The following NRXN1 variants were observed in gnomAD, a reference collection of about 807,000 sequenced individuals.
The protein encoded by NRXN1 is neurexin 1.
In NRXN1, 39 loss-of-function variants were observed where a neutral mutation model predicts 150.9. The ratio of observed to expected loss-of-function variants is 0.26; its 90% CI spans 0.20 to 0.34. The LOEUF is 0.34. NRXN1 is among the 10% of genes least tolerant of loss of function. The pLI, the probability that NRXN1 is intolerant of heterozygous loss-of-function variation, is 1.00. For synonymous variants in NRXN1, 924 were observed against 757.0 expected, an observed-to-expected ratio of 1.22 and a Z score of -3.62; for missense variants, 1,815 against 1,949.9, an observed-to-expected ratio of 0.93 and a Z score of 1.30.
intron 17 of NRXN1, among the ~76,000 whole-genome samples, chr2:50,319,458 A>T (rs1181982028): frequency 6.6e-6 from 1 of 152,126 alleles, no homozygotes; most frequent in African/African-American, 2.4e-5. Flanking sequence ...ACACCTGACT[A>T]ACTTGACTGA....
intron 16 of NRXN1, among the ~76,000 whole-genome samples, chr2:50,467,634 T>C (rs1003166069): frequency 4.6e-5 from 7 of 151,442 alleles, no homozygotes; most frequent in Non-Finnish European, 8.9e-5. Context: ...GAAACCATGA[T>C]ATTGTAAATC....
chr2:50,172,625 C>A (rs2060100456), intron 18 of NRXN1, among the ~76,000 whole-genome samples: 1 of 152,162 alleles, frequency 6.6e-6, no homozygotes, highest in Non-Finnish European at 1.5e-5. Context: ...TCCCAAAACT[C>A]AATTTTTCTG....
At chr2:50,117,077 A>C (rs1271800997) in intron 18 of NRXN1, among the ~76,000 whole-genome samples, 1 of 152,132 alleles carries the variant, frequency 6.6e-6, no homozygotes, top group African/African-American at 2.4e-5. Context: ...CCTTGGGGAT[A>C]AAGGGAGAAG....
chr2:50,936,145 G>T (rs1392069716), intron 2 of NRXN1, among the ~76,000 whole-genome samples: 1 of 152,076 alleles, frequency 6.6e-6, no homozygotes, highest in Non-Finnish European at 1.5e-5. Context: ...ACTAAGTATT[G>T]AGAAGGAAAG....
intron 17 of NRXN1, among the ~76,000 whole-genome samples, chr2:50,377,036 C>A (rs1037705901): frequency 2.6e-5 from 4 of 151,208 alleles, no homozygotes; most frequent in Admixed American, 1.3e-4. Flanking sequence ...TCATTATTGA[C>A]CATTTTTATT....
At chr2:49,998,803 T>C (rs1259694371) in intron 21 of NRXN1, among the ~76,000 whole-genome samples, 1 of 152,044 alleles carries the variant, frequency 6.6e-6, no homozygotes, top group Non-Finnish European at 1.5e-5. Flanking sequence ...TGTAGGTGCT[T>C]TTTGTTTTTT....
At chr2:50,770,500 T>C (rs932405828) in intron 5 of NRXN1, among the ~76,000 whole-genome samples, 2 of 151,970 alleles carry the variant, frequency 1.3e-5, no homozygotes, top group Non-Finnish European at 2.9e-5. Flanking sequence ...AGCTCAAATG[T>C]GACTTTGGAC....
At chr2:50,161,001 T>C (rs2059332343) in intron 18 of NRXN1, among the ~76,000 whole-genome samples, 2 of 152,160 alleles carry the variant, frequency 1.3e-5, no homozygotes, top group South Asian at 2.1e-4. Context: ...CATTAGGCTA[T>C]TGGTCAGAAA....
intron 22 of NRXN1, among the ~76,000 whole-genome samples, chr2:49,930,854 A>C (rs1016561508): frequency 6.6e-6 from 1 of 152,242 alleles, no homozygotes; most frequent in Non-Finnish European, 1.5e-5. Flanking sequence ...AGAAAGTGTG[A>C]AAGTGTGAAA....
At chr2:50,838,876 T>C (rs1672467965) in intron 5 of NRXN1, among the ~76,000 whole-genome samples, 1 of 152,112 alleles carries the variant, frequency 6.6e-6, no homozygotes. Flanking sequence ...CTTCAAACTT[T>C]GGTACTGAAG....
intron 18 of NRXN1, among the ~76,000 whole-genome samples, chr2:50,190,613 C>CTTTT (rs11427672): frequency 1.5e-5 from 2 of 132,522 alleles, no homozygotes; most frequent in African/African-American, 2.8e-5. Context: ...CTTTTTTTTT[C>CTTTT]TTTTTTTTTT....
chr2:50,824,576 T>C (rs72837097), intron 5 of NRXN1, among the ~76,000 whole-genome samples: 25,061 of 152,072 alleles, frequency 0.16, 2,308 homozygotes, highest in Non-Finnish European at 0.19. Context: ...TAGGATCCAG[T>C]AAAGGGATAT....
At chr2:50,524,696 C>A (rs1045851419) in intron 12 of NRXN1, among the ~76,000 whole-genome samples, 7 of 151,858 alleles carry the variant, frequency 4.6e-5, no homozygotes, top group African/African-American at 1.5e-4. Flanking sequence ...ACTGATATGA[C>A]AATTAGGACT....
chr2:50,592,043 G>A (rs922341359), intron 8 of NRXN1, among the ~76,000 whole-genome samples: 1 of 152,200 alleles, frequency 6.6e-6, no homozygotes, highest in South Asian at 2.1e-4. Context: ...GAGGAGATAA[G>A]AATAACCTCT....
At chr2:50,026,881 T>C (rs1189451141) in intron 21 of NRXN1, among the ~76,000 whole-genome samples, 1 of 67,334 alleles carries the variant, frequency 1.5e-5, no homozygotes, top group Non-Finnish European at 3.3e-5. Flanking sequence ...TTTTTTTTTT[T>C]TTTTTTTTTT....
At chr2:50,466,623 C>A in intron 16 of NRXN1, 1 of 373,816 alleles carries the variant, frequency 2.7e-6, no homozygotes, top group Non-Finnish European at 5.2e-6. Flanking sequence ...CTATGTAGAG[C>A]AAACAAATTA....
chr2:50,793,611 G>C lies in NRXN1; in HGVS notation c.832+128258C>G, dbSNP rs1188533284. Among the ~76,000 whole-genome samples the C allele has an allele frequency of 2.0e-5, 3 of 152,026 alleles. No homozygotes were observed. In the East Asian group the frequency reaches 5.8e-4, roughly 29 times the overall value. ...ACAAAATAAAGTGTGTTCTTTCAAA[G>C]ATATACAGAAAGAGGCAGCTGAAGA... On this transcript the variant is annotated intron_variant, in intron 5 of 22. Transcript: ENST00000401669.
chr2:50,732,671 CA>C (rs1408659861), intron 5 of NRXN1, among the ~76,000 whole-genome samples: 3 of 152,200 alleles, frequency 2.0e-5, no homozygotes, highest in Admixed American at 1.3e-4. Context: ...ATCCGTATCT[CA>C]AAGTATTTTA....
chr2:50,554,319 T>C (rs1442348078), intron 8 of NRXN1: 3 of 152,164 alleles, frequency 2.0e-5, no homozygotes, highest in Non-Finnish European at 2.9e-5. Context: ...TCCAAACCCA[T>C]GGCCAACTGA....
Sources: allele counts gnomAD v4.1 joint callset (sites outside exome capture counted in the v4.1 genomes callset), GRCh38; gene constraint gnomAD v4.1.1; transcripts MANE v1.5; gene names NCBI Gene and HGNC (gene_info 2026-07-23, HGNC 2026-07-21).